PCOLCE2: variants seen among roughly 807,000 people sequenced by gnomAD.
The protein encoded by PCOLCE2 is procollagen C-proteinase enhancer 2.
PCOLCE2 carries 42 observed loss-of-function variants against 47.0 expected under a neutral mutation model. The ratio of observed to expected loss-of-function variants is 0.89; its 90% CI spans 0.70 to 1.16. The LOEUF is 1.16. Among genes scored for constraint, PCOLCE2 ranks in the 50% most tolerant of loss-of-function variants. PCOLCE2 has a pLI of 0.00. For missense variants in PCOLCE2, 500 were observed against 526.1 expected, an observed-to-expected ratio of 0.95 and a Z score of 0.49; for synonymous variants, 169 against 191.7, an observed-to-expected ratio of 0.88 and a Z score of 0.98.
chr3:142,849,320 T>C (rs6802155), intron 2 of PCOLCE2, among the ~76,000 whole-genome samples: 1,772 of 152,330 alleles, frequency 0.012, 39 homozygotes, highest in African/African-American at 0.04. Flanking sequence ...CTACCGATAC[T>C]GACTAAATGA....
intron 2 of PCOLCE2, among the ~76,000 whole-genome samples, chr3:142,879,844 G>A (rs964075052): frequency 3.3e-5 from 5 of 151,916 alleles, no homozygotes; most frequent in Non-Finnish European, 5.9e-5. Context: ...GTGGGGGGGC[G>A]CCTGTAGTCC....
At chr3:142,862,459 C>A (rs957376962) in intron 2 of PCOLCE2, among the ~76,000 whole-genome samples, 4 of 152,152 alleles carry the variant, frequency 2.6e-5, no homozygotes, top group Non-Finnish European at 5.9e-5. Flanking sequence ...TAATTCTGTT[C>A]CAATTCCATT....
chr3:142,818,499 C>T, intron 8 of PCOLCE2, 34 bp from the exon 9 acceptor site: 4 of 1,535,516 alleles, frequency 2.6e-6, no homozygotes, highest in Non-Finnish European at 3.6e-6. Context: ...TAATCTTTTT[C>T]TCTATGTATC....
At chr3:142,847,648 T>C (rs1937341938) in intron 3 of PCOLCE2, among the ~76,000 whole-genome samples, 1 of 152,172 alleles carries the variant, frequency 6.6e-6, no homozygotes, top group African/African-American at 2.4e-5. Context: ...GTGATTCTCC[T>C]ACCTCAGCCT....
intron 6 of PCOLCE2, among the ~76,000 whole-genome samples, chr3:142,828,345 G>A (rs1214169268): frequency 1.3e-5 from 2 of 152,182 alleles, no homozygotes; most frequent in African/African-American, 2.4e-5. Flanking sequence ...CTAGTCACAT[G>A]AAGCTTTTCA....
At chr3:142,875,224 C>A (rs77800431) in intron 2 of PCOLCE2, among the ~76,000 whole-genome samples, 1,833 of 152,186 alleles carry the variant, frequency 0.012, 34 homozygotes, top group African/African-American at 0.041. Context: ...TTAAACAAGG[C>A]GTAAGTTGTA....
intron 5 of PCOLCE2, among the ~76,000 whole-genome samples, chr3:142,833,128 G>A (rs2108189429): frequency 6.6e-6 from 1 of 152,188 alleles, no homozygotes; most frequent in Admixed American, 6.5e-5. Context: ...GATATATTGT[G>A]TAGGTCTACA....
intron 7 of PCOLCE2, 43 bp downstream of exon 7, chr3:142,823,489 A>G (rs749566671): frequency 8.6e-7 from 1 of 1,168,226 alleles, no homozygotes; most frequent in Non-Finnish European, 1.3e-6. Context: ...ATGCAGCCTC[A>G]AGTTTCTGGT....
At chr3:142,888,666 T>C (rs1933763992) in intron 1 of PCOLCE2, 148 bp downstream of exon 1, 2 of 458,882 alleles carry the variant, frequency 4.4e-6, no homozygotes, top group South Asian at 5.7e-5. Context: ...TACCCGAGGG[T>C]GGCGGACGCC....
chr3:142,887,609 C>T (rs1055310211), intron 2 of PCOLCE2, 60 bp downstream of exon 2: 2 of 820,382 alleles, frequency 2.4e-6, no homozygotes, highest in East Asian at 2.4e-5. Context: ...AAAAAGGCAG[C>T]AGCCTCACAC....
intron 7 of PCOLCE2, among the ~76,000 whole-genome samples, chr3:142,821,510 T>C (rs547468215): frequency 1.7e-4 from 26 of 152,240 alleles, no homozygotes; most frequent in Non-Finnish European, 3.4e-4. Context: ...CCTTTCTGTG[T>C]CTCTCCTCAC....
At chr3:142,854,127 G>T (rs576582047) in intron 2 of PCOLCE2, among the ~76,000 whole-genome samples, 209 of 152,300 alleles carry the variant, frequency 1.4e-3, no homozygotes, top group African/African-American at 4.8e-3. Context: ...GCAGAAATGG[G>T]AATGCTCCTT....
Position 142,888,980 on chromosome 3 carries a change from C to CTCACACTGGCAGCAGCGCTG in PCOLCE2, c.-85_-84insCAGCGCTGCTGCCAGTGTGA. 1.4e-5 allele frequency: 7 copies of CTCACACTGGCAGCAGCGCTG among 514,054 alleles called. No homozygotes were observed. Among genetic ancestry groups the CTCACACTGGCAGCAGCGCTG allele is most frequent in the South Asian group, 5.4e-5 (1 of 18,570 alleles). The allele number at this position is 514,054 out of a possible 1,614,324, so 31.8% of individuals were successfully genotyped here. A position where few individuals can be genotyped will look rare whatever the true frequency, so the allele number is the denominator to read the frequency against. On this transcript the variant is annotated 5_prime_UTR_variant, in exon 1 of 9. Transcript: ENST00000295992. ...TCCGCACCCACCGCGCTCACACCGC[C>CTCACACTGGCAGCAGCGCTG]GCTCACACTGGCAGCAGCGCTGGCT...
intron 2 of PCOLCE2, among the ~76,000 whole-genome samples, chr3:142,860,115 G>A (rs560694729): frequency 1.3e-4 from 20 of 152,278 alleles, no homozygotes; most frequent in Non-Finnish European, 1.8e-4. Context: ...ACAGCAATGG[G>A]AAATAAGTCC....
chr3:142,824,375 G>GC (rs1241367973), intron 6 of PCOLCE2, among the ~76,000 whole-genome samples: 1 of 152,106 alleles, frequency 6.6e-6, no homozygotes. Flanking sequence ...GACAGTCCCC[G>GC]CAACACAGAA....
chr3:142,884,214 G>A (rs545183465), intron 2 of PCOLCE2, among the ~76,000 whole-genome samples: 4 of 152,280 alleles, frequency 2.6e-5, no homozygotes, highest in African/African-American at 9.6e-5. Context: ...GGTCCAGGTG[G>A]TGGGATGTCA....
At chr3:142,880,061 C>A (rs114398405) in intron 2 of PCOLCE2, among the ~76,000 whole-genome samples, 2,151 of 140,100 alleles carry the variant, frequency 0.015, 48 homozygotes, top group African/African-American at 0.052. Context: ...CCAAAAAAAA[C>A]CAAGCTATGG....
chr3:142,854,972 C>T (rs1279031380), intron 2 of PCOLCE2, among the ~76,000 whole-genome samples: 1 of 152,220 alleles, frequency 6.6e-6, no homozygotes, highest in Non-Finnish European at 1.5e-5. Context: ...CTTCAAGCAA[C>T]AACTTGGCTG....
Position 142,821,060 on chromosome 3 carries a change from A to G in PCOLCE2, c.950-15T>C. On this transcript the variant is annotated splice_polypyrimidine_tract_variant and intron_variant, in intron 7 of 8. Coordinates refer to ENST00000295992, the MANE Select transcript of PCOLCE2 (RefSeq NM_013363.4). Reference sequence around the variant, plus strand: ...GCCGGCTAATACTGCAGAAGAAAACATTTTGAAGTGATGTGACAGTGAAGG... The same window carrying G: ...GCCGGCTAATACTGCAGAAGAAAACGTTTTGAAGTGATGTGACAGTGAAGG... 6.3e-7 allele frequency: 1 copy of G among 1,580,392 alleles called. No homozygotes were observed. Among genetic ancestry groups the G allele is most frequent in the Non-Finnish European group, 8.7e-7 (1 of 1,152,742 alleles).
Sources: gnomAD v4.1 joint callset for allele counts (sites outside exome capture counted in the v4.1 genomes callset) on GRCh38, gnomAD v4.1.1 for gene constraint, MANE v1.5 for transcripts, NCBI Gene and HGNC (gene_info 2026-07-23, HGNC 2026-07-21) for gene names.